SLC5A11: variants seen among roughly 807,000 people sequenced by gnomAD.
SLC5A11 encodes the protein solute carrier family 5 member 11, also known as sodium/myo-inositol cotransporter 2.
SLC5A11 carries 48 observed loss-of-function variants against 69.8 expected under a neutral mutation model. The ratio of observed to expected loss-of-function variants is 0.69; its 90% CI spans 0.55 to 0.87. SLC5A11 has a LOEUF of 0.87. Ranked by LOEUF, SLC5A11 falls within the 40% of genes least tolerant of loss-of-function variation. SLC5A11 has a pLI of 0.00. For synonymous variants in SLC5A11, 319 were observed against 342.4 expected (o/e 0.93, Z 0.75); for missense variants, 784 against 866.1 (o/e 0.91, Z 1.19).
exon 9 of SLC5A11, chr16:24,890,890 T>C (rs753842463): frequency 1.2e-6 from 2 of 1,614,142 alleles, no homozygotes; most frequent in Non-Finnish European, 1.7e-6. Context: ...GTTGGTGGGA[T>C]GGAAGGACTG....
intron 9 of SLC5A11, among the ~76,000 whole-genome samples, chr16:24,896,318 C>T (rs1424226085): frequency 2.0e-5 from 3 of 152,046 alleles, no homozygotes; most frequent in Non-Finnish European, 4.4e-5. Context: ...TATAGCAAGA[C>T]CCCATCTCTA....
At chr16:24,882,407 T>A (rs1475417315) in intron 7 of SLC5A11, among the ~76,000 whole-genome samples, 1 of 152,138 alleles carries the variant, frequency 6.6e-6, no homozygotes, top group African/African-American at 2.4e-5. Context: ...TCCTCCCCTT[T>A]GTGAGAGCCC....
chr16:24,910,164 G>A (rs912741325), intron 14 of SLC5A11, 142 bp from the exon 16 acceptor site: 64 of 684,444 alleles, frequency 9.4e-5, no homozygotes, highest in East Asian at 6.0e-4. Context: ...ATGCTTGTTG[G>A]AGGATGGGGT....
chr16:24,910,747 T>C (rs185259674), intron 15 of SLC5A11, among the ~76,000 whole-genome samples: 16 of 152,320 alleles, frequency 1.1e-4, no homozygotes, highest in African/African-American at 3.8e-4. Flanking sequence ...ATCCTTATTC[T>C]CTGCACATGG....
chr16:24,884,144 C>G lies in SLC5A11; in HGVS notation c.664+13C>G. 1 of 1,613,612 alleles carries G rather than the reference C, an allele frequency of 6.2e-7. No homozygotes were observed. The highest frequency in any genetic ancestry group is 1.1e-5 in the South Asian group (1 of 91,050). ...TTGATGGGCTACAGTAAGTGGGGTC[C>G]CCGGGTCACTGGGGCGGACAACAGC... On this transcript the variant is annotated intron_variant, in intron 8 of 15. Coordinates refer to ENST00000347898, the Ensembl canonical transcript of SLC5A11.
At chr16:24,890,497 AAAAAAAAAAAAAAAAAAAG>A in intron 8 of SLC5A11, among the ~76,000 whole-genome samples, 3 of 70,530 alleles carry the variant, frequency 4.3e-5, no homozygotes, top group African/African-American at 4.7e-5. Flanking sequence ...AAAAAAAAAA[AAAAAAAAAAAAAAAAAAAG>A]AAGGAAGGAA....
At chr16:24,862,726 G>A in intron 3 of SLC5A11, 54 bp downstream of exon 4, 1 of 1,522,408 alleles carries the variant, frequency 6.6e-7, no homozygotes, top group East Asian at 2.3e-5. Flanking sequence ...TTCAAGTGCT[G>A]GGATTCTGTC....
At chr16:24,907,213 A>C in intron 12 of SLC5A11, 38 bp downstream of exon 13, 2 of 1,609,640 alleles carry the variant, frequency 1.2e-6, no homozygotes, top group Non-Finnish European at 1.7e-6. Flanking sequence ...CAGGGGGAAG[A>C]GAGAGCTGAG....
exon 6 of SLC5A11, chr16:24,875,657 C>T (rs963045907): frequency 8.1e-6 from 13 of 1,613,836 alleles, no homozygotes; most frequent in South Asian, 3.3e-5. Flanking sequence ...CCTACGGAAG[C>T]GCTTCGGTGG....
At chr16:24,893,078 C>A (rs1403217750) in intron 9 of SLC5A11, among the ~76,000 whole-genome samples, 3 of 146,616 alleles carry the variant, frequency 2.0e-5, no homozygotes, top group Non-Finnish European at 4.4e-5. Flanking sequence ...TGAGACCAGC[C>A]TGGCCAACAT....
chr16:24,879,842 G>C (rs532397872), intron 7 of SLC5A11, among the ~76,000 whole-genome samples: 1 of 152,146 alleles, frequency 6.6e-6, no homozygotes, highest in Non-Finnish European at 1.5e-5. Flanking sequence ...TGCTGCAAAG[G>C]TTATGATTTT....
In SLC5A11 at chr16:24,858,788, G is replaced by A; in HGVS notation, c.135+10G>A. On this transcript the variant is annotated intron_variant, in intron 2 of 15. Coordinates refer to ENST00000347898, the Ensembl canonical transcript of SLC5A11. The stretch of plus-strand genomic sequence containing the variant: ...GGCTGTTGGACTATGGGTAAGCCAG[G>A]CCACTGGGGGATGGGGGATGAAGAG... 3 of 1,607,254 alleles carry A rather than the reference G, an allele frequency of 1.9e-6. No homozygotes were observed. The highest frequency in any genetic ancestry group is 2.5e-6 in the Non-Finnish European group (3 of 1,176,704).
At chr16:24,885,912 G>T (rs759512318) in intron 8 of SLC5A11, among the ~76,000 whole-genome samples, 25 of 151,566 alleles carry the variant, frequency 1.6e-4, no homozygotes, top group Non-Finnish European at 2.6e-4. Flanking sequence ...GATTACAGAA[G>T]ATTACAATAC....
chr16:24,910,432 G>A (rs572775623), exon 15 of SLC5A11: 25 of 1,613,850 alleles, frequency 1.5e-5, no homozygotes, highest in Admixed American at 3.3e-5. Context: ...CAGCAGCAGC[G>A]TCCAGTTCGA....
chr16:24,875,515 C>G, intron 5 of SLC5A11, 112 bp from the exon 7 acceptor site: 1 of 793,746 alleles, frequency 1.3e-6, no homozygotes, highest in Non-Finnish European at 2.1e-6. Context: ...CCCAAGAAGA[C>G]CATCTGTGCT....
At chr16:24,895,490 A>G (rs1296284049) in intron 9 of SLC5A11, among the ~76,000 whole-genome samples, 1 of 151,684 alleles carries the variant, frequency 6.6e-6, no homozygotes, top group Admixed American at 6.6e-5. Flanking sequence ...CTCCATCTCA[A>G]AAAAGAAAGG....
intron 10 of SLC5A11, among the ~76,000 whole-genome samples, chr16:24,902,449 G>A (rs1357041073): frequency 6.6e-6 from 1 of 151,532 alleles, no homozygotes; most frequent in Admixed American, 6.6e-5. Context: ...CTTGACTCTT[G>A]TTTATGCAAA....
In SLC5A11 at chr16:24,871,184, A is replaced by G. The variant is rs575531962; in HGVS notation, c.313-976A>G. Among the ~76,000 whole-genome samples the G allele has an allele frequency of 3.3e-5, 5 of 152,346 alleles. No homozygotes were observed. In the South Asian group the frequency reaches 8.3e-4, roughly 25 times the overall value. On this transcript the variant is annotated intron_variant, in intron 4 of 15. Coordinates refer to ENST00000347898, the Ensembl canonical transcript of SLC5A11. ...TTAGACCCACACTGCCTGGGTTTAC[A>G]TTCTTGCTCCAACACGTATAAACTT...
At chr16:24,906,972 C>T (rs923774275) in intron 11 of SLC5A11, 53 bp from the exon 13 acceptor site, 6 of 1,591,212 alleles carry the variant, frequency 3.8e-6, no homozygotes, top group South Asian at 3.4e-5. Context: ...CCACTGGGAT[C>T]GGCTGCTTTG....
Sources: allele counts gnomAD v4.1 joint callset (sites outside exome capture counted in the v4.1 genomes callset), GRCh38; gene constraint gnomAD v4.1.1; transcripts MANE v1.5; gene names NCBI Gene and HGNC (gene_info 2026-07-23, HGNC 2026-07-21).